The following NALCN variants were observed in gnomAD, a reference collection of about 807,000 sequenced individuals.
NALCN encodes the protein sodium leak channel NALCN.
A neutral mutation model predicts 225.3 loss-of-function variants in NALCN; 111 were observed. The ratio of observed to expected loss-of-function variants is 0.49; its 90% CI spans 0.42 to 0.58. The LOEUF (loss-of-function observed/expected upper bound fraction) is 0.58. Ranked by LOEUF, NALCN falls within the 20% of genes least tolerant of loss-of-function variation. NALCN has a pLI of 0.00. For missense variants in NALCN, 1,378 were observed against 2,202.4 expected, an observed-to-expected ratio of 0.63 and a Z score of 7.49; for synonymous variants, 764 against 769.0, an observed-to-expected ratio of 0.99 and a Z score of 0.11.
rs372500241 is a variant in NALCN, at chr13:101,393,070, A to G, written c.291+2113T>C. Among the ~76,000 whole-genome samples the G allele has an allele frequency of 5.6e-4, 86 of 152,344 alleles. 1 individual carries two copies. In the South Asian group the frequency reaches 0.017, roughly 30 times the overall value. On this transcript the variant is annotated intron_variant, in intron 3 of 43. Transcript: ENST00000251127. The stretch of plus-strand genomic sequence containing the variant: ...AATTGTGTATGGTACAAATAACCAC[A>G]AACAAAGCCAATCACAATGGCAAAC...
intron 18 of NALCN, among the ~76,000 whole-genome samples, chr13:101,113,601 G>A (rs562052556): frequency 2.6e-5 from 4 of 152,192 alleles, no homozygotes; most frequent in African/African-American, 9.6e-5. Flanking sequence ...TTTTTTAAAG[G>A]GAATACAATG....
At chr13:101,368,925 G>C (rs947831777) in intron 6 of NALCN, 1 of 254,986 alleles carries the variant, frequency 3.9e-6, no homozygotes, top group Non-Finnish European at 8.0e-6. Context: ...AGAATCTCTT[G>C]AACCTGGGAG....
intron 2 of NALCN, among the ~76,000 whole-genome samples, chr13:101,397,066 TTATATATATATATATATA>T (rs368771604): frequency 0.031 from 1,762 of 56,418 alleles, 75 homozygotes; most frequent in South Asian, 0.15. Flanking sequence ...TATGAATGTA[TTATATATATATATATATA>T]TATATATATA....
intron 12 of NALCN, among the ~76,000 whole-genome samples, chr13:101,236,556 A>G (rs547557126): frequency 6.6e-6 from 1 of 152,266 alleles, no homozygotes; most frequent in South Asian, 2.1e-4. Flanking sequence ...AATGTGGCGC[A>G]TATACACCAT....
intron 15 of NALCN, among the ~76,000 whole-genome samples, chr13:101,169,521 T>C (rs2038614000): frequency 6.6e-6 from 1 of 152,168 alleles, no homozygotes; most frequent in Non-Finnish European, 1.5e-5. Flanking sequence ...CCTGGCTCAC[T>C]AAGCTATAGT....
chr13:101,411,041 A>G (rs1183807809), intron 1 of NALCN, among the ~76,000 whole-genome samples: 2 of 152,142 alleles, frequency 1.3e-5, no homozygotes, highest in Non-Finnish European at 2.9e-5. Flanking sequence ...CCTCCTTGTC[A>G]TCATTCCAAT....
In NALCN at chr13:101,164,922, A is replaced by G. The variant is rs184736963; in HGVS notation, c.1839+11378T>C. ...CATCTCTGACCAAAAGATTGAAAGA[A>G]TGGCTTCAAGTGGAGTTAGGTAGCA... On this transcript the variant is annotated intron_variant, in intron 15 of 43. Coordinates refer to ENST00000251127, the MANE Select transcript of NALCN (RefSeq NM_052867.4). 6.8e-4 allele frequency among the ~76,000 whole-genome samples: 104 copies of G among 152,312 alleles called. 2 individuals are homozygous for G. The highest frequency in any genetic ancestry group is 2.4e-3 in the African/African-American group (101 of 41,584).
At chr13:101,374,276 T>C (rs112491053) in intron 6 of NALCN, among the ~76,000 whole-genome samples, 72 of 145,332 alleles carry the variant, frequency 5.0e-4, no homozygotes, top group South Asian at 1.6e-3. Flanking sequence ...TTCTTTCTTT[T>C]TTTTTTTTTT....
At chr13:101,316,260 C>A (rs2044551208) in intron 7 of NALCN, among the ~76,000 whole-genome samples, 1 of 152,138 alleles carries the variant, frequency 6.6e-6, no homozygotes, top group Admixed American at 6.5e-5. Flanking sequence ...TGCTAATTAG[C>A]AAATAGATTA....
chr13:101,365,505 T>C (rs1198289525), intron 6 of NALCN, among the ~76,000 whole-genome samples: 2 of 152,154 alleles, frequency 1.3e-5, no homozygotes, highest in Non-Finnish European at 2.9e-5. Context: ...AATTTTAATT[T>C]AGTTGATAAA....
intron 10 of NALCN, among the ~76,000 whole-genome samples, chr13:101,273,497 T>C (rs552069043): frequency 6.6e-6 from 1 of 152,230 alleles, no homozygotes; most frequent in African/African-American, 2.4e-5. Flanking sequence ...ATGGGAGAGA[T>C]GAAAAAGGCA....
At chr13:101,385,743 T>G (rs907402167) in intron 3 of NALCN, among the ~76,000 whole-genome samples, 3 of 152,184 alleles carry the variant, frequency 2.0e-5, no homozygotes, top group African/African-American at 7.2e-5. Flanking sequence ...CCCCTGAAAG[T>G]TAGCCTTTCA....
At chr13:101,354,577 C>G (rs1457995623) in intron 6 of NALCN, among the ~76,000 whole-genome samples, 2 of 152,120 alleles carry the variant, frequency 1.3e-5, no homozygotes, top group African/African-American at 4.8e-5. Context: ...AAAGGGGCCA[C>G]CAGAATTTGG....
chr13:101,317,689 T>C (rs1760233), intron 7 of NALCN, among the ~76,000 whole-genome samples: 61,871 of 151,854 alleles, frequency 0.41, 12,934 homozygotes, highest in Middle Eastern at 0.47. Context: ...CCTCTCTTCC[T>C]GTTCTTTCAC....
Position 101,395,368 on chromosome 13 carries a change from G to C in NALCN, c.109-3C>G. On this transcript the variant is annotated splice_polypyrimidine_tract_variant and splice_region_variant and intron_variant, in intron 2 of 43. Transcript: ENST00000251127. ...ATGCGCAGCAAAGAGTGAACCCACT[G>C]CAATGATGGTCCAGAGTTACTACAC... The C allele has an allele frequency of 6.2e-7, 1 of 1,612,874 alleles. No homozygotes were observed. Among genetic ancestry groups the C allele is most frequent in the Non-Finnish European group, 8.5e-7 (1 of 1,179,366 alleles).
chr13:101,168,958 C>T (rs999228119), intron 15 of NALCN, among the ~76,000 whole-genome samples: 8 of 152,172 alleles, frequency 5.3e-5, no homozygotes, highest in African/African-American at 1.9e-4. Context: ...CCCTCTTCAC[C>T]TGGATTAGCA....
chr13:101,158,007 T>A (rs1566358000), intron 15 of NALCN, among the ~76,000 whole-genome samples: 1 of 152,132 alleles, frequency 6.6e-6, no homozygotes, highest in Non-Finnish European at 1.5e-5. Flanking sequence ...CACCTCAGCC[T>A]CCCAAAGTGC....
At chr13:101,326,808 G>C (rs555074971) in intron 7 of NALCN, among the ~76,000 whole-genome samples, 3 of 152,336 alleles carry the variant, frequency 2.0e-5, no homozygotes, top group Admixed American at 2.0e-4. Flanking sequence ...GCTGATCTCA[G>C]CTGGGTCTAA....
chr13:101,060,470 T>TC (rs2031812358), intron 41 of NALCN, among the ~76,000 whole-genome samples: 3 of 125,638 alleles, frequency 2.4e-5, no homozygotes, highest in Admixed American at 2.3e-4. Flanking sequence ...TTTTTTTTTT[T>TC]TTCAGAGAGG....
Sources: allele counts gnomAD v4.1 joint callset (sites outside exome capture counted in the v4.1 genomes callset), GRCh38; gene constraint gnomAD v4.1.1; transcripts MANE v1.5; gene names NCBI Gene and HGNC (gene_info 2026-07-23, HGNC 2026-07-21).